Variants in KIF11 observed in about 807,000 individuals in gnomAD.
KIF11 encodes the protein kinesin-like protein KIF11.
A neutral mutation model predicts 121.0 loss-of-function variants in KIF11; 9 were observed. That is an observed-to-expected ratio of 0.07 (90% CI 0.04 to 0.13). KIF11 has a LOEUF of 0.13. Ranked by LOEUF, KIF11 falls within the 10% of genes least tolerant of loss-of-function variation. The probability of loss-of-function intolerance (pLI) is 1.00; values close to 1 mark genes in which losing one functional copy is unlikely to be tolerated. For synonymous variants in KIF11, 408 were observed against 421.0 expected, an observed-to-expected ratio of 0.97 and a Z score of 0.38; for missense variants, 846 against 1,217.5, an observed-to-expected ratio of 0.69 and a Z score of 4.54.
chr10:92,632,435 G>A (rs1310751047), intron 12 of KIF11, 51 bp from the exon 13 acceptor site: 1 of 1,173,476 alleles, frequency 8.5e-7, no homozygotes. Context: ...ACTTTCATCA[G>A]ATTCCTTTCA....
intron 1 of KIF11, among the ~76,000 whole-genome samples, chr10:92,599,242 C>T (rs1844338109): frequency 6.6e-6 from 1 of 151,798 alleles, no homozygotes; most frequent in African/African-American, 2.4e-5. Flanking sequence ...GGAGGCTGGA[C>T]GCAGTGGCTC....
intron 9 of KIF11, among the ~76,000 whole-genome samples, chr10:92,620,846 T>C (rs925209244): frequency 2.0e-5 from 3 of 152,190 alleles, no homozygotes; most frequent in Non-Finnish European, 4.4e-5. Flanking sequence ...GCCCCTACGA[T>C]TCAGTCATCT....
chr10:92,605,469 C>T (rs1844418644), intron 1 of KIF11, among the ~76,000 whole-genome samples: 2 of 147,732 alleles, frequency 1.4e-5, no homozygotes, highest in African/African-American at 5.1e-5. Flanking sequence ...ACATCATAAC[C>T]TAATTTGATC....
Position 92,593,317 on chromosome 10 carries a change from T to C in KIF11, c.-59T>C. 1 of 1,540,870 alleles carries C rather than the reference T, an allele frequency of 6.5e-7. No individual in the cohort carries two copies. ...CGGCCCCTGTCGGCCGCCAAGCCCC[T>C]CCGCCCCTCACAGCGCCCAGGTCCG... On this transcript the variant is annotated 5_prime_UTR_variant, in exon 1 of 22. Coordinates refer to ENST00000260731, the MANE Select transcript of KIF11 (RefSeq NM_004523.4).
intron 16 of KIF11, among the ~76,000 whole-genome samples, chr10:92,639,453 A>C (rs770256228): frequency 6.6e-6 from 1 of 152,020 alleles, no homozygotes; most frequent in Admixed American, 6.6e-5. Flanking sequence ...TTAGCCAGGC[A>C]TGGTGGCTCA....
chr10:92,598,153 T>A (rs1210419364), intron 1 of KIF11, among the ~76,000 whole-genome samples: 1 of 152,222 alleles, frequency 6.6e-6, no homozygotes, highest in African/African-American at 2.4e-5. Context: ...TTTGGTGTTA[T>A]ATCCAAGAAA....
intron 6 of KIF11, among the ~76,000 whole-genome samples, chr10:92,612,600 G>A (rs573395299): frequency 3.6e-4 from 55 of 152,306 alleles, no homozygotes; most frequent in Non-Finnish European, 6.0e-4. Context: ...GTGTACTTGT[G>A]CATGTACACA....
chr10:92,649,930 C>A lies in KIF11; in HGVS notation c.2866C>A (p.Pro956Thr). The A allele has an allele frequency of 6.2e-7, 1 of 1,613,306 alleles. No homozygotes were observed. Among genetic ancestry groups the A allele is most frequent in the Non-Finnish European group, 8.5e-7 (1 of 1,179,374 alleles). Residue 956 changes from proline (P) to threonine (T), a missense_variant, in exon 20 of 22, where the codon CCT becomes ACT. By Grantham distance (38) the Pro-to-Thr change is conservative (BLOSUM62 -1). This residue lies in a region of KIF11 where 492 missense variants were observed against 603.4 expected (regional missense o/e 0.82). Coordinates refer to ENST00000260731, the MANE Select transcript of KIF11 (RefSeq NM_004523.4). ...HLLDQLKRKQ[P>T]ELLMMLNCSE... ...CCTTGATCAGCTGAAAAGGAAACAG[C>A]CTGAGCTGTTAATGATGCTAAACTG...
chr10:92,612,876 TTCTA>T (rs948961362), intron 6 of KIF11, among the ~76,000 whole-genome samples, 160 bp from the exon 7 acceptor site: 7 of 152,224 alleles, frequency 4.6e-5, no homozygotes, highest in South Asian at 2.1e-4. Flanking sequence ...CTAATCACTG[TTCTA>T]TCTATCTCCT....
At chr10:92,625,048 T>C (rs1274597048) in intron 10 of KIF11, among the ~76,000 whole-genome samples, 1 of 152,004 alleles carries the variant, frequency 6.6e-6, no homozygotes, top group African/African-American at 2.4e-5. Flanking sequence ...GGATTACAGG[T>C]GTGAGCCACC....
At chr10:92,651,551 T>TTTTTTTTTTTTTTTTTG (rs1844984567) in intron 21 of KIF11, among the ~76,000 whole-genome samples, 1 of 110,566 alleles carries the variant, frequency 9.0e-6, no homozygotes, top group Non-Finnish European at 1.9e-5. Flanking sequence ...TTTTTTTTAG[T>TTTTTTTTTTTTTTTTTG]AGAGGGGGTT....
Position 92,613,830 on chromosome 10 carries a change from G to T in KIF11, c.1032+211G>T, listed in dbSNP as rs1486074691. Among the ~76,000 whole-genome samples the T allele has an allele frequency of 3.9e-5, 6 of 151,978 alleles. No homozygotes were observed. Among genetic ancestry groups the T allele is most frequent in the African/African-American group, 1.5e-4 (6 of 41,362 alleles). ...TCTCTACCAAAAATACAAAAAATTAGCTGGGTTTGGTGGTGTACAACTGTG... is the reference window on the plus strand; with the variant it reads ...TCTCTACCAAAAATACAAAAAATTATCTGGGTTTGGTGGTGTACAACTGTG... On this transcript the variant is annotated intron_variant, in intron 8 of 21. Coordinates refer to ENST00000260731, the MANE Select transcript of KIF11 (RefSeq NM_004523.4). The surrounding 1 kb of genome is among the most constrained non-coding windows in gnomAD (Gnocchi z 4.2).
At position 92,645,350 on chromosome 10, in the gene KIF11, T is replaced by C; in HGVS notation, c.2268-13T>C. On this transcript the variant is annotated splice_polypyrimidine_tract_variant and intron_variant, in intron 17 of 21. Coordinates refer to ENST00000260731, the MANE Select transcript of KIF11 (RefSeq NM_004523.4). ...ATTCCCCATTTCAACAGTGTCATTC[T>C]CTTTTCCTATAGGAAATCTAAGGAT... 5 of 1,582,372 alleles carry C rather than the reference T, an allele frequency of 3.2e-6. No individual in the cohort carries two copies. Among genetic ancestry groups the C allele is most frequent in the Non-Finnish European group, 4.3e-6 (5 of 1,159,340 alleles).
intron 9 of KIF11, among the ~76,000 whole-genome samples, chr10:92,620,724 G>A (rs180808376): frequency 4.6e-5 from 7 of 152,302 alleles, no homozygotes; most frequent in East Asian, 1.9e-4. Flanking sequence ...CACATCTTAC[G>A]TGGGTGGCAG....
intron 17 of KIF11, among the ~76,000 whole-genome samples, chr10:92,640,407 T>G (rs1361744099): frequency 1.3e-5 from 2 of 152,164 alleles, no homozygotes; most frequent in Non-Finnish European, 2.9e-5. Flanking sequence ...AGTTTGCTGA[T>G]TCCTGTATTA....
At chr10:92,597,246 G>A in intron 1 of KIF11, 2 of 239,896 alleles carry the variant, frequency 8.3e-6, no homozygotes, top group Admixed American at 8.0e-5. Context: ...TTGGCTGCTG[G>A]GGTCAGTCAT....
intron 1 of KIF11, among the ~76,000 whole-genome samples, chr10:92,599,543 A>G (rs528435288): frequency 6.5e-4 from 99 of 151,392 alleles, no homozygotes; most frequent in African/African-American, 1.9e-3. Context: ...AAAAAAAGAA[A>G]AAAGAAACGT....
rs2135923283 is a variant in KIF11, at chr10:92,645,246, T to C, written c.2268-117T>C. 6 of 696,980 alleles carry C rather than the reference T, an allele frequency of 8.6e-6. No individual in the cohort carries two copies. The South Asian group carries it at 1.2e-4, about 14-fold the overall frequency. 43.2% of individuals were successfully genotyped at this position (696,980 alleles called of 1,614,324 possible). On this transcript the variant is annotated intron_variant, in intron 17 of 21. Coordinates refer to ENST00000260731, the MANE Select transcript of KIF11 (RefSeq NM_004523.4). ...GAAGATTTACTAAGATCACGGGCCCTGGAGCCAGACTGTCCACGTTCAGAT... is the reference window on the plus strand; with the variant it reads ...GAAGATTTACTAAGATCACGGGCCCCGGAGCCAGACTGTCCACGTTCAGAT...
chr10:92,614,064 A>G (rs1401639078), intron 8 of KIF11, among the ~76,000 whole-genome samples: 2 of 132,222 alleles, frequency 1.5e-5, no homozygotes, highest in Admixed American at 7.4e-5. Flanking sequence ...ACACACACAC[A>G]CATATAGTAG....
Sources: allele counts gnomAD v4.1 joint callset (sites outside exome capture counted in the v4.1 genomes callset), GRCh38; gene constraint gnomAD v4.1.1; regional missense constraint gnomAD v4.1.1; non-coding constraint Gnocchi (gnomAD v3.1); transcripts MANE v1.5; gene names NCBI Gene and HGNC (gene_info 2026-07-23, HGNC 2026-07-21).